Variants in GOLM2 observed in about 807,000 individuals in gnomAD.
GOLM2 encodes the protein golgi membrane protein 2.
A neutral mutation model predicts 55.9 loss-of-function variants in GOLM2; 26 were observed. That is an observed-to-expected ratio of 0.47 (90% CI 0.34 to 0.65). The LOEUF (loss-of-function observed/expected upper bound fraction) is 0.65. Among genes scored for constraint, GOLM2 ranks in the 30% least tolerant of loss-of-function variants. GOLM2 has a pLI of 0.01. For missense variants in GOLM2, 486 were observed against 531.8 expected, an observed-to-expected ratio of 0.91 and a Z score of 0.85; for synonymous variants, 165 against 194.6, an observed-to-expected ratio of 0.85 and a Z score of 1.27.
chr15:44,384,930 C>T (rs1047408058), intron 8 of GOLM2, among the ~76,000 whole-genome samples: 3 of 151,444 alleles, frequency 2.0e-5, no homozygotes, highest in South Asian at 4.2e-4. Context: ...AAAAATCATA[C>T]AGTATGTGAC....
At chr15:44,370,697 C>CT (rs752619211) in intron 6 of GOLM2, among the ~76,000 whole-genome samples, 6 of 151,872 alleles carry the variant, frequency 4.0e-5, no homozygotes, top group Non-Finnish European at 8.8e-5. Flanking sequence ...GAATTTTAGC[C>CT]TTTTTTGTGT....
At chr15:44,341,669 A>G (rs1348208710) in intron 6 of GOLM2, among the ~76,000 whole-genome samples, 2 of 151,648 alleles carry the variant, frequency 1.3e-5, no homozygotes, top group African/African-American at 4.8e-5. Context: ...AATTTTTAAA[A>G]AGTACACAAC....
intron 6 of GOLM2, among the ~76,000 whole-genome samples, chr15:44,372,248 T>C (rs538197599): frequency 1.2e-4 from 18 of 152,342 alleles, no homozygotes; most frequent in Admixed American, 1.2e-3. Context: ...TCTGTGGTAG[T>C]GTCTGTAATA....
At position 44,338,343 on chromosome 15, in the gene GOLM2, G is replaced by A. The variant is rs763850242; in HGVS notation, c.802+26G>A. Reference sequence around the variant, plus strand: ...GTAAGTAAAAATTGTTAGAGAATTCGACTAAAGTGATGATAATACATTTCA... The same window carrying A: ...GTAAGTAAAAATTGTTAGAGAATTCAACTAAAGTGATGATAATACATTTCA... On this transcript the variant is annotated intron_variant, in intron 6 of 9. Coordinates refer to ENST00000299957, the MANE Select transcript of GOLM2 (RefSeq NM_138423.4). The A allele has an allele frequency of 2.6e-5, 40 of 1,537,538 alleles. 1 individual carries two copies. The highest frequency in any genetic ancestry group is 2.0e-4 in the East Asian group (9 of 44,408).
chr15:44,315,864 C>T (rs1472973823), intron 1 of GOLM2, among the ~76,000 whole-genome samples: 4 of 152,048 alleles, frequency 2.6e-5, no homozygotes, highest in South Asian at 2.1e-4. Context: ...TAAATGAAGG[C>T]GCTCAAAAGA....
intron 8 of GOLM2, among the ~76,000 whole-genome samples, chr15:44,396,545 A>G (rs1044920532): frequency 3.9e-5 from 6 of 152,134 alleles, no homozygotes; most frequent in Admixed American, 3.3e-4. Context: ...ACATGACCAA[A>G]GCCCTTACTC....
intron 6 of GOLM2, among the ~76,000 whole-genome samples, chr15:44,356,579 C>G (rs1253913770): frequency 6.6e-6 from 1 of 152,190 alleles, no homozygotes; most frequent in African/African-American, 2.4e-5. Context: ...CAATAATAAC[C>G]TTCCAAAGCA....
intron 6 of GOLM2, among the ~76,000 whole-genome samples, chr15:44,370,743 A>G (rs2079324238): frequency 6.6e-6 from 1 of 152,090 alleles, no homozygotes; most frequent in Non-Finnish European, 1.5e-5. Flanking sequence ...TCACTGAAGC[A>G]TCTACTTCTT....
chr15:44,337,805 G>C lies in GOLM2; in HGVS notation c.619G>C (p.Asp207His). The change falls in exon 5 of 10, where the codon GAT (aspartate) becomes CAT (histidine). Residue 207 changes from aspartate (D) to histidine (H), a missense_variant. Coordinates refer to ENST00000299957, the MANE Select transcript of GOLM2 (RefSeq NM_138423.4). ...KIQSNDGKEL[D>H]INNQVVPKNI... ...TCAATCAAATGATGGAAAGGAATTG[G>C]ATATAAACAATCAAGTAGTACCTAA... 1.3e-6 allele frequency: 2 copies of C among 1,599,734 alleles called. No homozygotes were observed. Among genetic ancestry groups the C allele is most frequent in the Non-Finnish European group, 1.7e-6 (2 of 1,176,530 alleles).
intron 1 of GOLM2, among the ~76,000 whole-genome samples, chr15:44,295,392 T>C (rs79531359): frequency 0.03 from 4,503 of 152,268 alleles, 104 homozygotes; most frequent in East Asian, 0.1. Flanking sequence ...AACATGGAAA[T>C]TCTTTAAGGG....
chr15:44,292,319 C>T (rs2078726897), intron 1 of GOLM2, among the ~76,000 whole-genome samples: 2 of 151,304 alleles, frequency 1.3e-5, no homozygotes, highest in Non-Finnish European at 2.9e-5. Flanking sequence ...GCTTCAGCCT[C>T]CTGAGTAGCT....
At chr15:44,403,907 G>GT (rs906570927) in intron 9 of GOLM2, among the ~76,000 whole-genome samples, 10 of 151,928 alleles carry the variant, frequency 6.6e-5, no homozygotes, top group African/African-American at 1.7e-4. Context: ...TATGTGAAGA[G>GT]TTTTTTTTAT....
intron 6 of GOLM2, among the ~76,000 whole-genome samples, chr15:44,347,978 G>A (rs1301850826): frequency 6.6e-6 from 1 of 152,132 alleles, no homozygotes; most frequent in East Asian, 1.9e-4. Context: ...CTCCTGCCTT[G>A]AAGGGAAGGA....
intron 1 of GOLM2, among the ~76,000 whole-genome samples, chr15:44,321,940 T>C (rs997962266): frequency 6.6e-6 from 1 of 152,014 alleles, no homozygotes; most frequent in African/African-American, 2.4e-5. Flanking sequence ...ATACCTGTAG[T>C]CTCAGCTACT....
At chr15:44,357,254 T>TA (rs1157538075) in intron 6 of GOLM2, among the ~76,000 whole-genome samples, 3 of 152,028 alleles carry the variant, frequency 2.0e-5, no homozygotes, top group Non-Finnish European at 4.4e-5. Flanking sequence ...GGTTTAATAT[T>TA]AAAAAATCAA....
chr15:44,365,880 C>T (rs907430543), intron 6 of GOLM2, among the ~76,000 whole-genome samples: 2 of 152,156 alleles, frequency 1.3e-5, no homozygotes, highest in African/African-American at 4.8e-5. Context: ...TCAGTTTTAA[C>T]AAATGTACCA....
chr15:44,404,275 A>G (rs757902007), intron 9 of GOLM2, among the ~76,000 whole-genome samples: 28 of 152,164 alleles, frequency 1.8e-4, no homozygotes, highest in Admixed American at 3.3e-4. Context: ...CATTGTTTTT[A>G]TAAAACCCAG....
chr15:44,364,122 A>G (rs1036901617), intron 6 of GOLM2, among the ~76,000 whole-genome samples: 1 of 152,160 alleles, frequency 6.6e-6, no homozygotes, highest in Admixed American at 6.6e-5. Context: ...GCCGCGCACC[A>G]GCATGTCACA....
intron 1 of GOLM2, among the ~76,000 whole-genome samples, chr15:44,291,247 G>C (rs576313608): frequency 1.6e-4 from 25 of 152,112 alleles, no homozygotes; most frequent in African/African-American, 6.0e-4. Flanking sequence ...CTGAGTAGCT[G>C]GGACTGCAGG....
Sources: gnomAD v4.1 joint callset for allele counts (sites outside exome capture counted in the v4.1 genomes callset) on GRCh38, gnomAD v4.1.1 for gene constraint, MANE v1.5 for transcripts, NCBI Gene and HGNC (gene_info 2026-07-23, HGNC 2026-07-21) for gene names.